The following SPHKAP variants were observed in gnomAD, a reference collection of about 807,000 sequenced individuals.
The protein encoded by SPHKAP is SPHK1 interactor, AKAP domain containing.
SPHKAP carries 67 observed loss-of-function variants against 137.5 expected under a neutral mutation model. The ratio of observed to expected loss-of-function variants is 0.49; its 90% CI spans 0.40 to 0.60. The LOEUF is 0.60. SPHKAP is among the 20% of genes least tolerant of loss of function. The pLI, the probability that SPHKAP is intolerant of heterozygous loss-of-function variation, is 0.00. For synonymous variants in SPHKAP, 813 were observed against 785.3 expected (o/e 1.04, Z -0.59); for missense variants, 2,097 against 2,069.3 (o/e 1.01, Z -0.26).
chr2:228,144,902 T>C (rs1454412912), intron 1 of SPHKAP, among the ~76,000 whole-genome samples: 1 of 152,114 alleles, frequency 6.6e-6, no homozygotes, highest in Non-Finnish European at 1.5e-5. Context: ...AGCCAGCAAA[T>C]ACTCCTTAAA....
chr2:227,993,433 G>A, intron 9 of SPHKAP, 101 bp downstream of exon 9: 1 of 1,042,768 alleles, frequency 9.6e-7, no homozygotes, highest in Admixed American at 2.0e-5. Flanking sequence ...GTACAGACAT[G>A]ATGAGGTCAG....
Position 228,016,426 on chromosome 2 carries a change from C to A in SPHKAP, c.4428G>T (p.Val1476=). 4 of 1,601,296 alleles carry A rather than the reference C, an allele frequency of 2.5e-6. No homozygotes were observed. The highest frequency in any genetic ancestry group is 2.2e-5 in the South Asian group (2 of 89,086). Residue 1476 remains valine, a synonymous_variant, in exon 7 of 12, where the codon GTG becomes GTT. Coordinates refer to ENST00000392056, the MANE Select transcript of SPHKAP (RefSeq NM_001142644.2). ...CTCACCTATGGATTTGACAAGCGCT[C>A]ACGGCTGTGTCTCCACCTCTCACCA... The part of the protein sequence containing the change: ...PDVVRGGDTA[V]SACQIHSDSL...
intron 1 of SPHKAP, among the ~76,000 whole-genome samples, chr2:228,163,930 G>C (rs1700349007): frequency 6.6e-6 from 1 of 152,154 alleles, no homozygotes; most frequent in African/African-American, 2.4e-5. Context: ...AAGATGCCTT[G>C]ATGGCTGGTA....
intron 2 of SPHKAP, among the ~76,000 whole-genome samples, chr2:228,112,994 G>A (rs763036389): frequency 1.4e-4 from 21 of 152,086 alleles, no homozygotes; most frequent in African/African-American, 2.2e-4. Flanking sequence ...TAGAAGAAAC[G>A]GAAGCAGCAG....
At chr2:228,091,714 A>G (rs1257872917) in intron 3 of SPHKAP, among the ~76,000 whole-genome samples, 1 of 152,188 alleles carries the variant, frequency 6.6e-6, no homozygotes, top group Non-Finnish European at 1.5e-5. Context: ...CAAAACCACA[A>G]TGTGATACCA....
Position 228,018,354 on chromosome 2 carries a change from A to G in SPHKAP, c.2500T>C (p.Tyr834His). 2 of 1,614,108 alleles carry G rather than the reference A, an allele frequency of 1.2e-6. No homozygotes were observed. Among genetic ancestry groups the G allele is most frequent in the Non-Finnish European group, 1.7e-6 (2 of 1,180,014 alleles). The change falls in exon 7 of 12, where the codon TAT (tyrosine) becomes CAT (histidine). Residue 834 changes from tyrosine to histidine, a missense_variant. By Grantham distance (83) the Tyr-to-His change is moderately conservative. Coordinates refer to ENST00000392056, the MANE Select transcript of SPHKAP (RefSeq NM_001142644.2). Reference protein sequence around the residue: ...STATTSSKEIYLKGIAGEDTK... With the variant: ...STATTSSKEIHLKGIAGEDTK... Reference sequence around the variant, plus strand: ...TCCTCTCCTGCTATTCCTTTCAGATATATTTCCTTGGAGGATGTTGTAGCA... The same window carrying G: ...TCCTCTCCTGCTATTCCTTTCAGATGTATTTCCTTGGAGGATGTTGTAGCA...
intron 1 of SPHKAP, among the ~76,000 whole-genome samples, chr2:228,170,372 C>A (rs1700547240): frequency 6.6e-6 from 1 of 152,128 alleles, no homozygotes; most frequent in Non-Finnish European, 1.5e-5. Flanking sequence ...AGGATTGATT[C>A]TAATTTTGAA....
intron 2 of SPHKAP, among the ~76,000 whole-genome samples, chr2:228,114,977 C>A (rs547515822): frequency 1.3e-5 from 2 of 152,256 alleles, no homozygotes; most frequent in South Asian, 4.1e-4. Context: ...CTGGTCAGTT[C>A]TCCCTGGAGG....
rs928157236 is a variant in SPHKAP, at chr2:227,996,083, A to G, written c.4449-389T>C. 9 of 984,388 alleles carry G rather than the reference A, an allele frequency of 9.1e-6. No homozygotes were observed. In the East Asian group the frequency reaches 6.8e-4, roughly 75 times the overall value. The allele number at this position is 984,388 out of a possible 1,614,324, so 61.0% of individuals were successfully genotyped here. A position where few individuals can be genotyped will look rare whatever the true frequency, so the allele number is the denominator to read the frequency against. On this transcript the variant is annotated intron_variant, in intron 7 of 11. Coordinates refer to ENST00000392056, the MANE Select transcript of SPHKAP (RefSeq NM_001142644.2). ...AGGAGGTCCACAAATCTGCATTTTT[A>G]TCAATCACTCCTGGTTGATTCTAAT... is the stretch of plus-strand genomic sequence containing the variant.
intron 3 of SPHKAP, among the ~76,000 whole-genome samples, chr2:228,108,616 G>A (rs1346154704): frequency 2.0e-5 from 3 of 151,978 alleles, no homozygotes; most frequent in African/African-American, 7.3e-5. Flanking sequence ...TTTTCTATTA[G>A]ATAACTTACC....
chr2:228,047,478 A>G (rs4294998), intron 3 of SPHKAP, among the ~76,000 whole-genome samples: 1 of 150,878 alleles, frequency 6.6e-6, no homozygotes, highest in African/African-American at 2.4e-5. Context: ...AAAAAAAAAA[A>G]AAAACAAAAA....
At chr2:228,064,648 T>G (rs1040836762) in intron 3 of SPHKAP, among the ~76,000 whole-genome samples, 9 of 152,148 alleles carry the variant, frequency 5.9e-5, no homozygotes, top group Non-Finnish European at 1.2e-4. Context: ...AGATGCTAAT[T>G]AAAGCATGAC....
At chr2:228,049,651 AC>A (rs1291037317) in intron 3 of SPHKAP, among the ~76,000 whole-genome samples, 1 of 152,074 alleles carries the variant, frequency 6.6e-6, no homozygotes, top group East Asian at 1.9e-4. Context: ...TTGGACTCCC[AC>A]CTCTCTTCCT....
At chr2:228,021,495 G>T (rs905127153) in intron 6 of SPHKAP, among the ~76,000 whole-genome samples, 1 of 152,136 alleles carries the variant, frequency 6.6e-6, no homozygotes, top group Non-Finnish European at 1.5e-5. Context: ...CATCTTTTGG[G>T]AGTCTGGATC....
At chr2:228,065,697 A>G (rs1365684306) in intron 3 of SPHKAP, among the ~76,000 whole-genome samples, 4 of 152,070 alleles carry the variant, frequency 2.6e-5, no homozygotes, top group African/African-American at 9.7e-5. Flanking sequence ...GGGCTGCGGA[A>G]CTCCAGCCAG....
At chr2:228,133,330 T>G (rs202007018) in intron 1 of SPHKAP, among the ~76,000 whole-genome samples, 51,681 of 151,096 alleles carry the variant, frequency 0.34, 9,128 homozygotes, top group East Asian at 0.51. Context: ...AATAAATAAA[T>G]AAATAAATAA....
intron 3 of SPHKAP, among the ~76,000 whole-genome samples, chr2:228,076,387 A>T (rs924746810): frequency 9.2e-5 from 14 of 152,206 alleles, no homozygotes; most frequent in African/African-American, 3.4e-4. Context: ...TCAGAAGAAG[A>T]CAGGAAAATG....
intron 3 of SPHKAP, among the ~76,000 whole-genome samples, chr2:228,054,230 A>C (rs1696359200): frequency 6.6e-6 from 1 of 152,202 alleles, no homozygotes. Flanking sequence ...AGGAGTGGTC[A>C]AAAAGTTCTA....
At chr2:228,021,495 G>A (rs905127153) in intron 6 of SPHKAP, among the ~76,000 whole-genome samples, 2 of 152,136 alleles carry the variant, frequency 1.3e-5, no homozygotes, top group Non-Finnish European at 2.9e-5. Flanking sequence ...CATCTTTTGG[G>A]AGTCTGGATC....
Sources: allele counts gnomAD v4.1 joint callset (sites outside exome capture counted in the v4.1 genomes callset), GRCh38; gene constraint gnomAD v4.1.1; transcripts MANE v1.5; gene names NCBI Gene and HGNC (gene_info 2026-07-23, HGNC 2026-07-21).